SNX13: variants seen among roughly 807,000 people sequenced by gnomAD.
SNX13 encodes sorting nexin 13, also known as sorting nexin-13.
A neutral mutation model predicts 133.6 loss-of-function variants in SNX13; 45 were observed. The ratio of observed to expected loss-of-function variants is 0.34; its 90% CI spans 0.27 to 0.43. The LOEUF is 0.43. SNX13 is among the 20% of genes least tolerant of loss of function. The pLI, the probability that SNX13 is intolerant of heterozygous loss-of-function variation, is 1.00. For missense variants in SNX13, 1,032 were observed against 1,145.1 expected, an observed-to-expected ratio of 0.90 and a Z score of 1.43; for synonymous variants, 414 against 373.9, an observed-to-expected ratio of 1.11 and a Z score of -1.24.
intron 9 of SNX13, among the ~76,000 whole-genome samples, chr7:17,864,432 C>A (rs998533950): frequency 6.6e-6 from 1 of 151,974 alleles, no homozygotes; most frequent in Non-Finnish European, 1.5e-5. Context: ...AAAGGAAGAA[C>A]CGAGCTAAGA....
intron 9 of SNX13, among the ~76,000 whole-genome samples, chr7:17,859,366 A>C (rs1427828725): frequency 6.6e-6 from 1 of 152,126 alleles, no homozygotes; most frequent in Non-Finnish European, 1.5e-5. Flanking sequence ...AACTACAACA[A>C]AATACCAATT....
At position 17,840,005 on chromosome 7, in the gene SNX13, C is replaced by CA; in HGVS notation, c.1166-6dup. On this transcript the variant is annotated splice_region_variant and splice_polypyrimidine_tract_variant and intron_variant, in intron 12 of 25. Transcript: ENST00000428135. ...CTCCAGTTTGCTGCATGTAATCTAGCAATCAAAAATCCATAATAACATAAA... is the reference window on the plus strand; with the variant it reads ...CTCCAGTTTGCTGCATGTAATCTAGCAAATCAAAAATCCATAATAACATAAA... 1 of 1,602,480 alleles carries CA rather than the reference C, an allele frequency of 6.2e-7. No homozygotes were observed. Among genetic ancestry groups the CA allele is most frequent in the East Asian group, 2.3e-5 (1 of 44,360 alleles).
At chr7:17,808,141 G>A (rs952194292) in intron 20 of SNX13, among the ~76,000 whole-genome samples, 1 of 152,070 alleles carries the variant, frequency 6.6e-6, no homozygotes, top group Non-Finnish European at 1.5e-5. Context: ...TTCAGAAGGT[G>A]GGTAATAACA....
At chr7:17,864,283 A>G (rs1257931189) in intron 9 of SNX13, among the ~76,000 whole-genome samples, 2 of 152,232 alleles carry the variant, frequency 1.3e-5, no homozygotes, top group African/African-American at 2.4e-5. Flanking sequence ...GAATTTCAAG[A>G]TAACAAAGAG....
chr7:17,873,035 A>G (rs1794292532), intron 8 of SNX13, among the ~76,000 whole-genome samples: 2 of 152,234 alleles, frequency 1.3e-5, no homozygotes, highest in Admixed American at 1.3e-4. Flanking sequence ...TGTTATTTTT[A>G]TCTAACCTGA....
intron 20 of SNX13, among the ~76,000 whole-genome samples, chr7:17,812,065 T>G (rs1786105700): frequency 6.6e-6 from 1 of 151,974 alleles, no homozygotes; most frequent in Non-Finnish European, 1.5e-5. Context: ...ACCTAGGCAA[T>G]ACAATCCAGG....
chr7:17,908,049 A>T (rs770651080), intron 1 of SNX13, among the ~76,000 whole-genome samples: 1 of 152,308 alleles, frequency 6.6e-6, no homozygotes, highest in South Asian at 2.1e-4. Flanking sequence ...TCATAAACTT[A>T]TCATGTCCAA....
At chr7:17,939,181 T>G (rs892123486) in intron 1 of SNX13, among the ~76,000 whole-genome samples, 1 of 152,192 alleles carries the variant, frequency 6.6e-6, no homozygotes, top group Non-Finnish European at 1.5e-5. Context: ...ACCATCACTT[T>G]TCACAAAATA....
chr7:17,868,230 G>C, intron 9 of SNX13, 177 bp downstream of exon 9: 1 of 551,596 alleles, frequency 1.8e-6, no homozygotes, highest in Non-Finnish European at 3.2e-6. Context: ...AAGAGAATTT[G>C]GCCAACACAT....
At chr7:17,894,540 T>C (rs1796997657) in intron 2 of SNX13, among the ~76,000 whole-genome samples, 1 of 151,860 alleles carries the variant, frequency 6.6e-6, no homozygotes, top group African/African-American at 2.4e-5. Flanking sequence ...ATTAAGAAAA[T>C]ATAAATGTAT....
At position 17,793,964 on chromosome 7, in the gene SNX13, A is replaced by T. The variant is rs1003367682; in HGVS notation, c.*81T>A. Reference sequence around the variant, plus strand: ...ACTAAAAGACTGGTGCAGACACAACAGTATTTGAGTTAAGCCCCAGAAGAT... The same window carrying T: ...ACTAAAAGACTGGTGCAGACACAACTGTATTTGAGTTAAGCCCCAGAAGAT... On this transcript the variant is annotated 3_prime_UTR_variant, in exon 26 of 26. Transcript: ENST00000428135. 6.8e-7 allele frequency: 1 copy of T among 1,465,760 alleles called. No individual in the cohort carries two copies. The highest frequency in any genetic ancestry group is 1.4e-5 in the African/African-American group (1 of 70,824). The allele number at this position is 1,465,760 out of a possible 1,614,324, so 90.8% of individuals were successfully genotyped here. A position where few individuals can be genotyped will look rare whatever the true frequency, so the allele number is the denominator to read the frequency against.
rs1784514782 is a variant in SNX13, at chr7:17,800,655, GACAA to G, written c.2298+929_2298+932del. On this transcript the variant is annotated intron_variant, in intron 22 of 25. Coordinates refer to ENST00000428135, the MANE Select transcript of SNX13 (RefSeq NM_015132.5). The stretch of plus-strand genomic sequence containing the variant: ...AGAAGACAATGTATTACATATATCT[GACAA>G]ACAACTCACATTCAGATTACATAAA... 2.0e-5 allele frequency among the ~76,000 whole-genome samples: 3 copies of G among 151,754 alleles called. No individual in the cohort carries two copies. In the South Asian group the frequency reaches 6.2e-4, roughly 32 times the overall value.
At chr7:17,836,133 T>A (rs1399486164) in intron 13 of SNX13, among the ~76,000 whole-genome samples, 2 of 151,982 alleles carry the variant, frequency 1.3e-5, no homozygotes, top group Non-Finnish European at 2.9e-5. Flanking sequence ...TTAAGCCACA[T>A]CTTTGGTATA....
rs147818427 is a variant in SNX13 at position 17,798,424 on chromosome 7, C to T, written c.2513+266G>A. Reference sequence around the variant, plus strand: ...ATTTTTAGGTGAATATTTCAATTATCTTACAGCCATGGTACTGTGATAAAA... The same window carrying T: ...ATTTTTAGGTGAATATTTCAATTATTTTACAGCCATGGTACTGTGATAAAA... On this transcript the variant is annotated intron_variant, in intron 24 of 25. Transcript: ENST00000428135. Among the ~76,000 whole-genome samples the T allele has an allele frequency of 1.2e-4, 18 of 151,992 alleles. No individual in the cohort carries two copies. In the East Asian group the frequency reaches 3.5e-3, roughly 29 times the overall value.
intron 1 of SNX13, among the ~76,000 whole-genome samples, chr7:17,912,027 A>G (rs2128021130): frequency 6.6e-6 from 1 of 152,316 alleles, no homozygotes; most frequent in African/African-American, 2.4e-5. Context: ...ATTGTGGATT[A>G]GAGGTTTTGA....
At chr7:17,839,005 ATAT>A (rs1449353004) in intron 13 of SNX13, among the ~76,000 whole-genome samples, 34 of 149,974 alleles carry the variant, frequency 2.3e-4, no homozygotes, top group African/African-American at 3.4e-4. Context: ...ATATATTACA[ATAT>A]TATTAGAATT....
At chr7:17,857,128 G>A (rs1219714785) in intron 9 of SNX13, among the ~76,000 whole-genome samples, 1 of 151,980 alleles carries the variant, frequency 6.6e-6, no homozygotes, top group African/African-American at 2.4e-5. Context: ...CAACAAACTG[G>A]AAAACCTAGA....
chr7:17,805,311 G>C (rs1785171999), intron 20 of SNX13, among the ~76,000 whole-genome samples: 1 of 146,816 alleles, frequency 6.8e-6, no homozygotes, highest in Non-Finnish European at 1.5e-5. Flanking sequence ...TGTAGTTTTT[G>C]GTCAACCAGA....
chr7:17,869,889 C>G lies in SNX13; in HGVS notation c.754-1399G>C, dbSNP rs56283886. 1.7e-4 allele frequency among the ~76,000 whole-genome samples: 19 copies of G among 111,804 alleles called. No individual in the cohort carries two copies. The East Asian group carries it at 1.9e-3, about 11-fold the overall frequency. The allele number at this position is 111,804 out of a possible 152,430, so 73.3% of individuals were successfully genotyped here. A position where few individuals can be genotyped will look rare whatever the true frequency, so the allele number is the denominator to read the frequency against. Reference sequence around the variant, plus strand: ...ACTCACACACACACAGACACACACACACACACACACACACTTTTTCCAATG... The same window carrying G: ...ACTCACACACACACAGACACACACAGACACACACACACACTTTTTCCAATG... On this transcript the variant is annotated intron_variant, in intron 8 of 25. Coordinates refer to ENST00000428135, the MANE Select transcript of SNX13 (RefSeq NM_015132.5).
Sources: allele counts gnomAD v4.1 joint callset (sites outside exome capture counted in the v4.1 genomes callset), GRCh38; gene constraint gnomAD v4.1.1; transcripts MANE v1.5; gene names NCBI Gene and HGNC (gene_info 2026-07-23, HGNC 2026-07-21).